The following ABCA1 variants were observed in gnomAD, a reference collection of about 807,000 sequenced individuals.
ABCA1 encodes the protein ATP binding cassette subfamily A member 1, also known as phospholipid-transporting ATPase ABCA1.
In ABCA1, 133 loss-of-function variants were observed where a neutral mutation model predicts 262.5. That is an observed-to-expected ratio of 0.51 (90% confidence interval 0.44 to 0.59). ABCA1 has a LOEUF of 0.59. Ranked by LOEUF, ABCA1 falls within the 20% of genes least tolerant of loss-of-function variation. The pLI is 0.00. For synonymous variants in ABCA1, 1,022 were observed against 1,043.5 expected (o/e 0.98, Z 0.40); for missense variants, 2,452 against 2,777.5 (o/e 0.88, Z 2.63).
chr9:104,889,951 C>T (rs1839561551), intron 2 of ABCA1, among the ~76,000 whole-genome samples: 1 of 152,192 alleles, frequency 6.6e-6, no homozygotes, highest in South Asian at 2.1e-4. Flanking sequence ...GCATGATACA[C>T]TGGTTAAAAC....
intron 11 of ABCA1, among the ~76,000 whole-genome samples, 166 bp from the exon 12 acceptor site, chr9:104,832,937 A>AG (rs1833474611): frequency 6.6e-6 from 1 of 152,196 alleles, no homozygotes; most frequent in African/African-American, 2.4e-5. Context: ...CTGAGGCTGA[A>AG]GAAAAAAAAA....
rs117995078 is a variant in ABCA1 at position 104,853,892 on chromosome 9, G to A, written c.720+4630C>T. 9.3e-3 allele frequency among the ~76,000 whole-genome samples: 1,409 copies of A among 152,284 alleles called. 12 individuals are homozygous for A. The highest frequency in any genetic ancestry group is 0.024 in the Middle Eastern group (7 of 294). ...CAGCAGACTGAATATCCCCTGCAAA[G>A]ATGTCCACACCCTATTCCTGGAGTC... On this transcript the variant is annotated intron_variant, in intron 7 of 49. Coordinates refer to ENST00000374736, the MANE Select transcript of ABCA1 (RefSeq NM_005502.4).
intron 5 of ABCA1, among the ~76,000 whole-genome samples, chr9:104,873,515 C>T (rs769393330): frequency 1.3e-5 from 2 of 152,198 alleles, no homozygotes; most frequent in Non-Finnish European, 2.9e-5. Flanking sequence ...GCCCATGCCC[C>T]ATGTCCTGTG....
intron 42 of ABCA1, 84 bp downstream of exon 42, chr9:104,792,702 T>G: frequency 6.3e-7 from 1 of 1,589,900 alleles, no homozygotes; most frequent in African/African-American, 1.3e-5. Flanking sequence ...GCCCTTTTAT[T>G]AAGCAAGTCA....
intron 29 of ABCA1, 40 bp downstream of exon 29, chr9:104,810,760 C>T (rs1458149725): frequency 3.7e-6 from 6 of 1,613,910 alleles, no homozygotes; most frequent in Non-Finnish European, 5.1e-6. Flanking sequence ...TTGGTCTGCT[C>T]GAATCTTACC....
At chr9:104,828,890 G>T in intron 15 of ABCA1, 26 bp downstream of exon 15, 1 of 1,611,634 alleles carries the variant, frequency 6.2e-7, no homozygotes, top group South Asian at 1.1e-5. Context: ...TTTCCTGGCA[G>T]GGAAGAGCGA....
intron 21 of ABCA1, 101 bp downstream of exon 21, chr9:104,819,826 C>A (rs1032285741): frequency 4.3e-6 from 7 of 1,609,768 alleles, no homozygotes; most frequent in Non-Finnish European, 5.9e-6. Context: ...TGTTACCAAC[C>A]GCACCCAGCC....
At chr9:104,904,438 G>T (rs1225675456) in intron 1 of ABCA1, among the ~76,000 whole-genome samples, 1 of 151,898 alleles carries the variant, frequency 6.6e-6, no homozygotes, top group Non-Finnish European at 1.5e-5. Context: ...CATGGTGGCA[G>T]GCACCTGTAG....
At chr9:104,868,056 CT>C (rs1220093433) in intron 5 of ABCA1, among the ~76,000 whole-genome samples, 2 of 152,316 alleles carry the variant, frequency 1.3e-5, no homozygotes, top group East Asian at 1.9e-4. Flanking sequence ...ACTTTCCCCC[CT>C]ATTTAAATCT....
At chr9:104,814,513 A>T (rs1831558976) in intron 25 of ABCA1, 38 bp from the exon 26 acceptor site, 1 of 1,595,942 alleles carries the variant, frequency 6.3e-7, no homozygotes, top group African/African-American at 1.3e-5. Flanking sequence ...ATAAGCACCA[A>T]CATTACGAGA....
intron 3 of ABCA1, among the ~76,000 whole-genome samples, chr9:104,888,017 A>G (rs1031993425): frequency 6.6e-6 from 1 of 151,106 alleles, no homozygotes; most frequent in African/African-American, 2.4e-5. Flanking sequence ...TTCTTTTTTG[A>G]TGAAATCAGG....
At chr9:104,808,649 T>G (rs1448825097) in intron 30 of ABCA1, among the ~76,000 whole-genome samples, 1 of 152,230 alleles carries the variant, frequency 6.6e-6, no homozygotes, top group African/African-American at 2.4e-5. Context: ...ATAAACAGGT[T>G]ATCATGCTCA....
chr9:104,823,181 G>A (rs753929909), intron 18 of ABCA1, among the ~76,000 whole-genome samples: 2 of 152,240 alleles, frequency 1.3e-5, no homozygotes, highest in Non-Finnish European at 2.9e-5. Context: ...ACAGGTGTCA[G>A]GAACTGAGGA....
intron 1 of ABCA1, among the ~76,000 whole-genome samples, chr9:104,914,459 C>T (rs1841714701): frequency 6.6e-6 from 1 of 150,866 alleles, no homozygotes; most frequent in South Asian, 2.1e-4. Flanking sequence ...GAGATCATGC[C>T]ATTGAATTCC....
intron 15 of ABCA1, among the ~76,000 whole-genome samples, 161 bp downstream of exon 15, chr9:104,828,755 C>T (rs1304122444): frequency 3.9e-5 from 6 of 152,194 alleles, no homozygotes; most frequent in Admixed American, 6.5e-5. Context: ...CCTCTCTGGG[C>T]CTCACTTTCC....
intron 8 of ABCA1, among the ~76,000 whole-genome samples, chr9:104,840,905 A>C (rs1005191021): frequency 6.0e-5 from 9 of 150,656 alleles, no homozygotes; most frequent in Admixed American, 5.3e-4. Flanking sequence ...TTTCACCGGG[A>C]TTATCTTCCA....
At chr9:104,815,238 A>G (rs1013785807) in intron 25 of ABCA1, among the ~76,000 whole-genome samples, 9 of 152,226 alleles carry the variant, frequency 5.9e-5, no homozygotes, top group Admixed American at 5.2e-4. Flanking sequence ...AATCATTTCC[A>G]AACTCTAGTC....
At chr9:104,822,915 A>G (rs1225713087) in intron 18 of ABCA1, among the ~76,000 whole-genome samples, 1 of 152,202 alleles carries the variant, frequency 6.6e-6, no homozygotes, top group Non-Finnish European at 1.5e-5. Context: ...AACAATTAAA[A>G]TAGAGGATGC....
intron 1 of ABCA1, among the ~76,000 whole-genome samples, chr9:104,915,821 C>CT (rs2118507855): frequency 6.6e-6 from 1 of 152,252 alleles, no homozygotes; most frequent in Non-Finnish European, 1.5e-5. Context: ...CAACAACGCG[C>CT]TAAGTGTTTA....
Sources: allele counts gnomAD v4.1 joint callset (sites outside exome capture counted in the v4.1 genomes callset), GRCh38; gene constraint gnomAD v4.1.1; transcripts MANE v1.5; gene names NCBI Gene and HGNC (gene_info 2026-07-23, HGNC 2026-07-21).